The following CSMD1 variants were observed in gnomAD, a reference collection of about 807,000 sequenced individuals.
CSMD1 encodes CUB and Sushi multiple domains 1.
A neutral mutation model predicts 417.5 loss-of-function variants in CSMD1; 213 were observed. That is an observed-to-expected ratio of 0.51 (90% CI 0.46 to 0.57). The LOEUF is 0.57. Among genes scored for constraint, CSMD1 ranks in the 20% least tolerant of loss-of-function variants. The probability of loss-of-function intolerance (pLI) is 0.00; values close to 1 mark genes in which losing one functional copy is unlikely to be tolerated. For synonymous variants in CSMD1, 2,862 were observed against 1,736.8 expected (o/e 1.65, Z -16.11); for missense variants, 6,923 against 4,529.7 (o/e 1.53, Z -15.17).
At chr8:4,463,490 C>G (rs753916167) in intron 2 of CSMD1, among the ~76,000 whole-genome samples, 6 of 152,086 alleles carry the variant, frequency 3.9e-5, no homozygotes, top group Non-Finnish European at 7.4e-5. Flanking sequence ...TTCATAATTG[C>G]AAAAAGTGGA....
At chr8:3,876,827 G>T (rs146175324) in intron 5 of CSMD1, among the ~76,000 whole-genome samples, 1 of 152,288 alleles carries the variant, frequency 6.6e-6, no homozygotes, top group East Asian at 1.9e-4. Context: ...GCCCAAGGTG[G>T]TCTTGAACTT....
At chr8:3,768,249 A>T (rs1329606966) in intron 5 of CSMD1, among the ~76,000 whole-genome samples, 1 of 152,128 alleles carries the variant, frequency 6.6e-6, no homozygotes, top group Non-Finnish European at 1.5e-5. Context: ...CAAGGCGGAG[A>T]CGTATTCCCG....
At chr8:4,571,638 T>A (rs912805643) in intron 2 of CSMD1, among the ~76,000 whole-genome samples, 4 of 152,192 alleles carry the variant, frequency 2.6e-5, no homozygotes, top group African/African-American at 9.7e-5. Flanking sequence ...GGTGGACAGT[T>A]CTATAGATGT....
At chr8:3,646,267 C>A (rs1047186570) in intron 7 of CSMD1, among the ~76,000 whole-genome samples, 6 of 152,096 alleles carry the variant, frequency 3.9e-5, no homozygotes, top group African/African-American at 1.4e-4. Context: ...GAGATGTTAA[C>A]TGTAATTTTT....
intron 3 of CSMD1, among the ~76,000 whole-genome samples, chr8:4,288,442 T>C (rs1206265043): frequency 6.6e-6 from 1 of 152,230 alleles, no homozygotes; most frequent in Non-Finnish European, 1.5e-5. Context: ...TTCAATTCAA[T>C]GCTGTAGCCA....
At chr8:3,876,706 C>A (rs1414315445) in intron 5 of CSMD1, among the ~76,000 whole-genome samples, 1 of 152,174 alleles carries the variant, frequency 6.6e-6, no homozygotes, top group African/African-American at 2.4e-5. Context: ...ACTTCCCAGG[C>A]TCAAGCAATC....
intron 23 of CSMD1, among the ~76,000 whole-genome samples, chr8:3,318,683 G>A (rs891516328): frequency 6.6e-6 from 1 of 152,194 alleles, no homozygotes; most frequent in Non-Finnish European, 1.5e-5. Context: ...CATGACGAGA[G>A]TAAGAAAGCA....
intron 1 of CSMD1, among the ~76,000 whole-genome samples, chr8:4,975,144 T>C (rs10103830): frequency 0.15 from 23,096 of 152,126 alleles, 1,940 homozygotes; most frequent in East Asian, 0.31. Flanking sequence ...GACCTAGTGG[T>C]TCCAGCAAAT....
chr8:4,794,730 A>T (rs1037911820), intron 1 of CSMD1, among the ~76,000 whole-genome samples: 1 of 152,216 alleles, frequency 6.6e-6, no homozygotes. Flanking sequence ...TCAGGAAAAA[A>T]GCTCTGAACA....
At chr8:3,739,937 C>G (rs1342465426) in intron 6 of CSMD1, among the ~76,000 whole-genome samples, 1 of 152,100 alleles carries the variant, frequency 6.6e-6, no homozygotes, top group Non-Finnish European at 1.5e-5. Context: ...CTAAAAATTA[C>G]AGAGAAACTA....
chr8:4,970,196 G>T (rs976554769), intron 1 of CSMD1, among the ~76,000 whole-genome samples: 2 of 151,902 alleles, frequency 1.3e-5, no homozygotes, highest in African/African-American at 4.8e-5. Context: ...CTTGACTTCA[G>T]ACTCGAATCT....
At chr8:3,300,820 G>A (rs977500588) in intron 25 of CSMD1, among the ~76,000 whole-genome samples, 3 of 151,886 alleles carry the variant, frequency 2.0e-5, no homozygotes, top group Non-Finnish European at 2.9e-5. Flanking sequence ...TTAGCTGGGT[G>A]TGGTGGCACA....
At chr8:4,708,914 A>T (rs1186028998) in intron 1 of CSMD1, among the ~76,000 whole-genome samples, 1 of 152,196 alleles carries the variant, frequency 6.6e-6, no homozygotes, top group African/African-American at 2.4e-5. Context: ...GAGCAAATAC[A>T]GGAAGGTGGT....
At chr8:3,913,727 G>T (rs947948368) in intron 5 of CSMD1, among the ~76,000 whole-genome samples, 3 of 152,274 alleles carry the variant, frequency 2.0e-5, no homozygotes, top group African/African-American at 4.8e-5. Flanking sequence ...GGGAAGGCAG[G>T]AGTGGGGAAG....
chr8:4,815,330 G>A (rs1291153157), intron 1 of CSMD1, among the ~76,000 whole-genome samples: 1 of 152,158 alleles, frequency 6.6e-6, no homozygotes, highest in Non-Finnish European at 1.5e-5. Context: ...CAAAAGGTAT[G>A]ACATCACAGT....
At chr8:3,049,486 G>A (rs942036393) in intron 50 of CSMD1, among the ~76,000 whole-genome samples, 2 of 152,114 alleles carry the variant, frequency 1.3e-5, no homozygotes, top group African/African-American at 4.8e-5. Context: ...AATCTGAAAG[G>A]CTAGGTGCCA....
chr8:4,191,116 G>C (rs1025476488), intron 3 of CSMD1, among the ~76,000 whole-genome samples: 6 of 151,520 alleles, frequency 4.0e-5, no homozygotes, highest in African/African-American at 1.5e-4. Flanking sequence ...ATTCAACAAG[G>C]CCAGGCGAGG....
At chr8:4,053,239 G>C (rs915637552) in intron 3 of CSMD1, among the ~76,000 whole-genome samples, 3 of 152,202 alleles carry the variant, frequency 2.0e-5, no homozygotes, top group Admixed American at 6.5e-5. Flanking sequence ...CGTGTGTTTA[G>C]AACTTAGACT....
intron 5 of CSMD1, among the ~76,000 whole-genome samples, chr8:3,884,832 C>T (rs2627361): frequency 0.033 from 5,030 of 151,414 alleles, 291 homozygotes; most frequent in African/African-American, 0.12. Context: ...TCTACTTCGT[C>T]GTCAGTCTGT....
Sources: allele counts gnomAD v4.1 joint callset (sites outside exome capture counted in the v4.1 genomes callset), GRCh38; gene constraint gnomAD v4.1.1; transcripts MANE v1.5; gene names NCBI Gene and HGNC (gene_info 2026-07-23, HGNC 2026-07-21).